Variants in ZNF521 observed in about 807,000 individuals in gnomAD.
ZNF521 encodes zinc finger protein 521.
Under a neutral mutation model 105.5 loss-of-function variants are expected in ZNF521, and 14 were observed. The ratio of observed to expected loss-of-function variants is 0.13; its 90% CI spans 0.09 to 0.21. The LOEUF is 0.21. Ranked by LOEUF, ZNF521 falls within the 10% of genes least tolerant of loss-of-function variation. The pLI, the probability that ZNF521 is intolerant of heterozygous loss-of-function variation, is 1.00. For synonymous variants in ZNF521, 635 were observed against 606.0 expected (o/e 1.05, Z -0.70); for missense variants, 1,233 against 1,629.7 (o/e 0.76, Z 4.19).
intron 7 of ZNF521, among the ~76,000 whole-genome samples, chr18:25,071,598 T>C (rs537784778): frequency 6.6e-6 from 1 of 152,264 alleles, no homozygotes; most frequent in East Asian, 1.9e-4. Flanking sequence ...TAAGTAATAC[T>C]GCAGAGAAAG....
chr18:25,093,753 G>C (rs2033797194), intron 5 of ZNF521, among the ~76,000 whole-genome samples: 1 of 152,040 alleles, frequency 6.6e-6, no homozygotes, highest in African/African-American at 2.4e-5. Flanking sequence ...TATGTAAGAG[G>C]GAGTTTAATT....
At chr18:25,127,654 T>C (rs144726694) in intron 5 of ZNF521, among the ~76,000 whole-genome samples, 147 of 152,134 alleles carry the variant, frequency 9.7e-4, no homozygotes, top group Non-Finnish European at 1.1e-3. Context: ...AAAATATTGA[T>C]TGCATTAAGA....
At chr18:25,108,383 T>C (rs192501499) in intron 5 of ZNF521, among the ~76,000 whole-genome samples, 147 of 152,314 alleles carry the variant, frequency 9.7e-4, no homozygotes, top group African/African-American at 3.5e-3. Context: ...CACAAACAAC[T>C]TTGAAGATGT....
At chr18:25,258,357 A>G in intron 3 of ZNF521, among the ~76,000 whole-genome samples, 1 of 152,220 alleles carries the variant, frequency 6.6e-6, no homozygotes, top group Non-Finnish European at 1.5e-5. Flanking sequence ...TCACAGTGAT[A>G]GGATTAGGCC....
chr18:25,062,752 CAA>C lies in ZNF521; in HGVS notation c.3907-13_3907-12del, dbSNP rs10540123. 1,783 of 362,952 alleles carry C rather than the reference CAA, an allele frequency of 4.9e-3. No individual in the cohort carries two copies. Among genetic ancestry groups the C allele is most frequent in the African/African-American group, 0.013 (297 of 23,402 alleles). 22.5% of individuals were successfully genotyped at this position (362,952 alleles called of 1,614,324 possible). ...GGTCATTGTATGATTCTGTAAATAACAAAAAAAAAAAAAAAAAAAAAAAAAAA... is the reference window on the plus strand; with the variant it reads ...GGTCATTGTATGATTCTGTAAATAACAAAAAAAAAAAAAAAAAAAAAAAAA... On this transcript the variant is annotated splice_polypyrimidine_tract_variant and intron_variant, in intron 7 of 7. Coordinates refer to ENST00000361524, the MANE Select transcript of ZNF521 (RefSeq NM_015461.3).
At chr18:25,072,894 T>G (rs772962178) in intron 7 of ZNF521, among the ~76,000 whole-genome samples, 2 of 152,244 alleles carry the variant, frequency 1.3e-5, no homozygotes, top group Non-Finnish European at 2.9e-5. Context: ...TAATGTTTAA[T>G]TTATCACACT....
intron 1 of ZNF521, 53 bp downstream of exon 1, chr18:25,351,952 G>C (rs1271861424): frequency 3.0e-6 from 1 of 329,674 alleles, no homozygotes; most frequent in Non-Finnish European, 6.3e-6. Flanking sequence ...GAGGAGAGCC[G>C]GGAGCAGGAG....
intron 3 of ZNF521, among the ~76,000 whole-genome samples, chr18:25,265,350 T>G (rs1358834078): frequency 6.6e-6 from 1 of 152,212 alleles, no homozygotes; most frequent in Non-Finnish European, 1.5e-5. Context: ...GACTCAGGAC[T>G]GGCTCTTGGT....
At chr18:25,345,619 G>A (rs755143913) in intron 2 of ZNF521, among the ~76,000 whole-genome samples, 3 of 152,172 alleles carry the variant, frequency 2.0e-5, no homozygotes, top group African/African-American at 7.2e-5. Context: ...TGAAACCGGC[G>A]TTTTGGAAGA....
rs777983209 is a variant in ZNF521 at position 25,225,267 on chromosome 18, G to A, written c.2651C>T (p.Pro884Leu). 2 of 1,613,966 alleles carry A rather than the reference G, an allele frequency of 1.2e-6. No homozygotes were observed. Among genetic ancestry groups the A allele is most frequent in the Non-Finnish European group, 1.7e-6 (2 of 1,180,026 alleles). ...GSEEDVDTSE[P>L]MYGCDICGAA... ...CCCACAAATGTCGCAGCCGTACATA[G>A]GCTCAGAGGTGTCAACGTCTTCTTC... The change falls in exon 4 of 8, where the codon CCT becomes CTT. Residue 884 changes from proline to leucine, a missense_variant. Physicochemically the swap from Pro to Leu is moderately conservative, Grantham distance 98 (BLOSUM62 -3). Coordinates refer to ENST00000361524, the MANE Select transcript of ZNF521 (RefSeq NM_015461.3). The surrounding 1 kb of genome is among the most constrained non-coding windows in gnomAD (Gnocchi z 5.6).
intron 7 of ZNF521, 130 bp downstream of exon 7, chr18:25,089,335 G>A (rs1381786897): frequency 2.9e-6 from 2 of 679,952 alleles, no homozygotes; most frequent in Non-Finnish European, 5.0e-6. Flanking sequence ...TTTTCCCTTT[G>A]CCCCCAATAC....
At chr18:25,103,794 G>C (rs1210695982) in intron 5 of ZNF521, among the ~76,000 whole-genome samples, 1 of 149,678 alleles carries the variant, frequency 6.7e-6, no homozygotes, top group Non-Finnish European at 1.5e-5. Context: ...GAGGAAGGAA[G>C]GGAGGGAGGG....
chr18:25,351,376 C>T (rs1051114265), intron 1 of ZNF521: 13 of 149,636 alleles, frequency 8.7e-5, no homozygotes, highest in African/African-American at 2.7e-4. Context: ...ATAGTTCATG[C>T]GAATAGAAAA....
In ZNF521 at chr18:25,335,087, A is replaced by C. The variant is rs78574363; in HGVS notation, c.41-12900T>G. ...CATGCCGATTGTGCACACAGGACCA[A>C]AGCACTGAGACATTCCACTGCTCAG... is the stretch of plus-strand genomic sequence containing the variant. On this transcript the variant is annotated intron_variant, in intron 2 of 7. Coordinates refer to ENST00000361524, the MANE Select transcript of ZNF521 (RefSeq NM_015461.3). 6.1e-3 allele frequency among the ~76,000 whole-genome samples: 925 copies of C among 152,276 alleles called. 11 individuals carry two copies. Among genetic ancestry groups the C allele is most frequent in the African/African-American group, 0.022 (895 of 41,544 alleles).
intron 3 of ZNF521, among the ~76,000 whole-genome samples, chr18:25,242,895 G>A (rs1384496597): frequency 6.6e-6 from 1 of 152,102 alleles, no homozygotes; most frequent in Non-Finnish European, 1.5e-5. Context: ...CTTCAAATAC[G>A]CAATGCCATC....
intron 3 of ZNF521, among the ~76,000 whole-genome samples, chr18:25,268,333 C>G (rs1382914645): frequency 6.6e-6 from 1 of 152,068 alleles, no homozygotes; most frequent in African/African-American, 2.4e-5. Context: ...GTGATGGGGA[C>G]AATAGAACCA....
chr18:25,152,372 G>C (rs1046733913), intron 5 of ZNF521, among the ~76,000 whole-genome samples: 1 of 151,996 alleles, frequency 6.6e-6, no homozygotes, highest in Admixed American at 6.6e-5. Context: ...CCAGCTACTC[G>C]GGAGGCTGAT....
intron 2 of ZNF521, chr18:25,327,494 G>T: frequency 1.0e-6 from 1 of 979,270 alleles, no homozygotes; most frequent in Non-Finnish European, 1.3e-6. Flanking sequence ...AACCATATCT[G>T]AAAGCACTCC....
chr18:25,155,661 T>A (rs909476733), intron 5 of ZNF521, among the ~76,000 whole-genome samples: 1 of 152,226 alleles, frequency 6.6e-6, no homozygotes, highest in Non-Finnish European at 1.5e-5. Context: ...CCCAGTAGCA[T>A]GTATGGAAAG....
Sources: allele counts gnomAD v4.1 joint callset (sites outside exome capture counted in the v4.1 genomes callset), GRCh38; gene constraint gnomAD v4.1.1; non-coding constraint Gnocchi (gnomAD v3.1); transcripts MANE v1.5; gene names NCBI Gene and HGNC (gene_info 2026-07-23, HGNC 2026-07-21).